Variants in EXOSC8 observed in about 807,000 individuals in gnomAD.
EXOSC8 encodes exosome complex component RRP43.
EXOSC8 carries 37 observed loss-of-function variants against 39.9 expected under a neutral mutation model. The observed-to-expected ratio is 0.93, with a 90% CI of 0.71 to 1.22. The LOEUF (loss-of-function observed/expected upper bound fraction) is 1.22. EXOSC8 is among the 50% of genes most tolerant of loss of function. EXOSC8 has a pLI of 0.00. For missense variants in EXOSC8, 313 were observed against 326.6 expected, an observed-to-expected ratio of 0.96 and a Z score of 0.32; for synonymous variants, 93 against 109.5, an observed-to-expected ratio of 0.85 and a Z score of 0.94.
intron 4 of EXOSC8, chr13:37,004,249 G>T (rs2138846344): frequency 3.1e-6 from 1 of 321,610 alleles, no homozygotes; most frequent in Middle Eastern, 8.1e-4. Flanking sequence ...AAGATTCTTG[G>T]CTAGTAGTTG....
At chr13:37,002,335 T>C (rs368766707) in intron 2 of EXOSC8, 26 bp downstream of exon 2, 20 of 1,577,020 alleles carry the variant, frequency 1.3e-5, no homozygotes, top group African/African-American at 1.2e-4. Flanking sequence ...GTACATGTTA[T>C]GCGTTTTGAT....
intron 1 of EXOSC8, among the ~76,000 whole-genome samples, chr13:37,001,103 ATAGTTGTAATCTTT>A (rs1203351925): frequency 6.6e-6 from 1 of 152,130 alleles, no homozygotes; most frequent in Non-Finnish European, 1.5e-5. Flanking sequence ...CCCAGGAGAC[ATAGTTGTAATCTTT>A]TAAAGATTGT....
intron 8 of EXOSC8, 138 bp from the exon 9 acceptor site, chr13:37,007,919 T>C: frequency 1.6e-6 from 1 of 634,918 alleles, no homozygotes; most frequent in Non-Finnish European, 2.8e-6. Context: ...ATATTTACCT[T>C]AGTGGCTGTA....
At chr13:37,002,450 T>C (rs1593697459) in intron 2 of EXOSC8, 38 bp from the exon 3 acceptor site, 4 of 1,367,392 alleles carry the variant, frequency 2.9e-6, no homozygotes, top group South Asian at 1.3e-5. Context: ...AAATATGTAA[T>C]AGGTATAATC....
chr13:37,004,512 A>G lies in EXOSC8; in HGVS notation c.193-4A>G. The G allele has an allele frequency of 6.2e-7, 1 of 1,602,996 alleles. No homozygotes were observed. ...CAATAGGAAACATTTCTTTGCTACT[A>G]TAGGAATTTGCAGCACCATCAACAG... is the stretch of plus-strand genomic sequence containing the variant. On this transcript the variant is annotated splice_region_variant and splice_polypyrimidine_tract_variant and intron_variant, in intron 4 of 10. Transcript: ENST00000389704.
intron 5 of EXOSC8, 88 bp from the exon 6 acceptor site, chr13:37,005,832 C>T: frequency 1.4e-6 from 1 of 703,432 alleles, no homozygotes; most frequent in African/African-American, 1.9e-5. Flanking sequence ...CCAATGCACT[C>T]CAGCCTGGCA....
At position 37,002,976 on chromosome 13, in the gene EXOSC8, G is replaced by A; in HGVS notation, c.161G>A (p.Gly54Glu). The change falls in exon 4 of 11, where the codon GGA becomes GAA. Residue 54 changes from glycine to glutamate, a missense_variant. Gly to Glu is a moderately conservative substitution (Grantham distance 98). Coordinates refer to ENST00000389704, the MANE Select transcript of EXOSC8 (RefSeq NM_181503.3). ...GATGGTTCTGCTTTAGTGAAGTTGG[G>A]AAATACTACAGTAATCTGTGGAGTT... The part of the protein sequence containing the change: ...TADGSALVKL[G>E]NTTVICGVKA... 1 of 1,608,588 alleles carries A rather than the reference G, an allele frequency of 6.2e-7. No homozygotes were observed. The highest frequency in any genetic ancestry group is 8.5e-7 in the Non-Finnish European group (1 of 1,175,292).
Position 37,002,494 on chromosome 13 carries a change from A to G in EXOSC8, c.61A>G (p.Asn21Asp). ...LEYYRRFLKE[N>D]CRPDGRELGE... ...TATAAACATATTTATTTAGAAAGAG[A>G]ACTGCCGTCCTGATGGAAGAGAACT... The change falls in exon 3 of 11, where the codon AAC (asparagine) becomes GAC (aspartate). Residue 21 changes from asparagine (N) to aspartate (D), a missense_variant. Transcript: ENST00000389704. The G allele has an allele frequency of 6.4e-7, 1 of 1,569,958 alleles. No individual in the cohort carries two copies. The highest frequency in any genetic ancestry group is 8.7e-7 in the Non-Finnish European group (1 of 1,153,704).
chr13:37,007,953 T>C, intron 8 of EXOSC8, 104 bp from the exon 9 acceptor site: 2 of 836,002 alleles, frequency 2.4e-6, no homozygotes, highest in South Asian at 1.6e-5. Flanking sequence ...AAAGAAATGT[T>C]CTGGGCAAGT....
At chr13:37,007,959 CA>C (rs2059158938) in intron 8 of EXOSC8, 97 bp from the exon 9 acceptor site, 1 of 864,252 alleles carries the variant, frequency 1.2e-6, no homozygotes, top group African/African-American at 1.8e-5. Context: ...ATGTTCTGGG[CA>C]AGTTAAATAG....
In EXOSC8 at chr13:37,008,724, T is replaced by C; in HGVS notation, c.609-5T>C. 1 of 1,581,602 alleles carries C rather than the reference T, an allele frequency of 6.3e-7. No homozygotes were observed. Among genetic ancestry groups the C allele is most frequent in the Non-Finnish European group, 8.7e-7 (1 of 1,152,984 alleles). ...TTGATAACTTATATTTTTTTCTTTTTATAGCACTTTGCTTATAGTTGACCC... is the reference window on the plus strand; with the variant it reads ...TTGATAACTTATATTTTTTTCTTTTCATAGCACTTTGCTTATAGTTGACCC... On this transcript the variant is annotated splice_polypyrimidine_tract_variant and splice_region_variant and intron_variant, in intron 9 of 10. Transcript: ENST00000389704.
At chr13:37,006,913 C>A (rs978916871) in intron 7 of EXOSC8, 62 bp from the exon 8 acceptor site, 1 of 1,013,968 alleles carries the variant, frequency 9.9e-7, no homozygotes, top group Non-Finnish European at 1.6e-6. Context: ...TAAGTCTAAG[C>A]TAATAGCATG....
chr13:37,002,047 A>G (rs1239634152), intron 1 of EXOSC8, among the ~76,000 whole-genome samples: 7 of 152,206 alleles, frequency 4.6e-5, no homozygotes, highest in Admixed American at 4.6e-4. Flanking sequence ...TAAAGAGCTC[A>G]CTCAAAGGGC....
Position 37,009,405 on chromosome 13 carries a change from G to T in EXOSC8, c.*106G>T. Reference sequence around the variant, plus strand: ...ATCAAACTACATTCTTCTGAAAGATGTTTCTATTATTTCTTAGGTCACTTC... The same window carrying T: ...ATCAAACTACATTCTTCTGAAAGATTTTTCTATTATTTCTTAGGTCACTTC... On this transcript the variant is annotated 3_prime_UTR_variant, in exon 11 of 11. Transcript: ENST00000389704. The T allele has an allele frequency of 1.3e-6, 1 of 763,834 alleles. No homozygotes were observed. The highest frequency in any genetic ancestry group is 1.8e-5 in the African/African-American group (1 of 56,522). The allele number at this position is 763,834 out of a possible 1,614,324, so 47.3% of individuals were successfully genotyped here.
chr13:37,003,212 A>G, intron 4 of EXOSC8: 3 of 479,398 alleles, frequency 6.3e-6, no homozygotes, highest in Non-Finnish European at 1.1e-5. Flanking sequence ...ATGTAGCAAA[A>G]TGAAACAACT....
At chr13:37,006,821 C>T (rs534247994) in intron 7 of EXOSC8, among the ~76,000 whole-genome samples, 154 bp from the exon 8 acceptor site, 1 of 152,308 alleles carries the variant, frequency 6.6e-6, no homozygotes, top group South Asian at 2.1e-4. Context: ...TTCTATAGAA[C>T]TTTAAAAAGG....
Position 37,006,157 on chromosome 13 carries a change from A to G in EXOSC8, c.387A>G (p.Gly129=), listed in dbSNP as rs2059137694. The G allele has an allele frequency of 1.2e-6, 2 of 1,605,550 alleles. No homozygotes were observed. Among genetic ancestry groups the G allele is most frequent in the South Asian group, 2.2e-5 (2 of 90,714 alleles). ...AAGAGGACTTATGCATTTCTCCAGG[A>G]AAGGTAAGAGGAATAGAGAAGCTAT... ...IQKEDLCISP[G]KLVWVLYCDL... is the part of the protein sequence containing the mutation. Residue 129 remains glycine (G), a synonymous_variant, in exon 7 of 11, where the codon GGA becomes GGG. Transcript: ENST00000389704.
At chr13:37,008,470 G>A (rs1417377977) in intron 9 of EXOSC8, among the ~76,000 whole-genome samples, 3 of 152,192 alleles carry the variant, frequency 2.0e-5, no homozygotes, top group Non-Finnish European at 4.4e-5. Context: ...AAATAGAAGA[G>A]CAGGGCCGGG....
chr13:37,005,816 A>G (rs1320646599), intron 5 of EXOSC8, 104 bp from the exon 6 acceptor site: 14 of 613,272 alleles, frequency 2.3e-5, no homozygotes, highest in Non-Finnish European at 3.9e-5. Flanking sequence ...GTAAGCTGAG[A>G]TCGCACCAAT....
Sources: allele counts gnomAD v4.1 joint callset (sites outside exome capture counted in the v4.1 genomes callset), GRCh38; gene constraint gnomAD v4.1.1; transcripts MANE v1.5; gene names NCBI Gene and HGNC (gene_info 2026-07-23, HGNC 2026-07-21).